Variants in PGBD2 observed in about 807,000 individuals in gnomAD.
The protein encoded by PGBD2 is piggyBac transposable element-derived protein 2.
PGBD2 carries 6 observed loss-of-function variants against 8.1 expected under a neutral mutation model. The observed-to-expected ratio is 0.74, with a 90% confidence interval of 0.40 to 1.46. The LOEUF (loss-of-function observed/expected upper bound fraction) is 1.46. PGBD2 is among the 40% of genes most tolerant of loss of function. The pLI, the probability that PGBD2 is intolerant of heterozygous loss-of-function variation, is 0.02. For missense variants in PGBD2, 802 were observed against 739.0 expected, an observed-to-expected ratio of 1.09 and a Z score of -0.99; for synonymous variants, 318 against 272.2, an observed-to-expected ratio of 1.17 and a Z score of -1.66.
the PGBD2 span, among the ~76,000 whole-genome samples, chr1:248,894,421 C>A: frequency 6.6e-6 from 1 of 151,888 alleles, no homozygotes; most frequent in Non-Finnish European, 1.5e-5. Flanking sequence ...AGTGGTTAAT[C>A]CATTTTGAGT....
chr1:248,914,359 T>C (rs369207764), intron 2 of PGBD2: 2 of 966,512 alleles, frequency 2.1e-6, no homozygotes, highest in Non-Finnish European at 1.2e-6. Context: ...ATGGCTGCTG[T>C]ACCCCTTACT....
At chr1:248,875,198 A>G in the PGBD2 span, among the ~76,000 whole-genome samples, 2 of 150,246 alleles carry the variant, frequency 1.3e-5, no homozygotes, top group Non-Finnish European at 1.5e-5. Context: ...CAGGAGGCTG[A>G]GGCAGGAGAA....
At chr1:248,907,658 A>T (rs1030236943) in intron 1 of PGBD2, among the ~76,000 whole-genome samples, 2 of 152,336 alleles carry the variant, frequency 1.3e-5, no homozygotes, top group East Asian at 3.9e-4. Context: ...ACTTTTACCA[A>T]GCATACTGCT....
At chr1:248,889,460 A>G in the PGBD2 span, among the ~76,000 whole-genome samples, 3 of 152,156 alleles carry the variant, frequency 2.0e-5, no homozygotes, top group Admixed American at 2.0e-4. Flanking sequence ...TCCGTTTAAT[A>G]TTGTTTTCAT....
the PGBD2 span, among the ~76,000 whole-genome samples, chr1:248,876,505 G>T: frequency 6.6e-6 from 1 of 152,112 alleles, no homozygotes. Flanking sequence ...CAAGGTCCAG[G>T]GTCCCAGTGT....
At chr1:248,876,755 A>G in the PGBD2 span, among the ~76,000 whole-genome samples, 8 of 152,172 alleles carry the variant, frequency 5.3e-5, no homozygotes, top group Non-Finnish European at 1.0e-4. Context: ...TTTAAATTGT[A>G]TGGTGTCTCT....
At chr1:248,890,711 C>A in the PGBD2 span, among the ~76,000 whole-genome samples, 3 of 151,518 alleles carry the variant, frequency 2.0e-5, no homozygotes, top group African/African-American at 7.3e-5. Flanking sequence ...CCCACACACA[C>A]CCACACCCAG....
upstream of PGBD2, among the ~76,000 whole-genome samples, chr1:248,902,587 T>C (rs1373923975): frequency 6.6e-6 from 1 of 152,198 alleles, no homozygotes; most frequent in African/African-American, 2.4e-5. Flanking sequence ...CTAAGACATG[T>C]AATCAACCCA....
intron 1 of PGBD2, among the ~76,000 whole-genome samples, chr1:248,909,405 C>G (rs888985886): frequency 6.6e-6 from 1 of 152,140 alleles, no homozygotes; most frequent in African/African-American, 2.4e-5. Context: ...TAGTTAGGGT[C>G]AAGCATATAT....
rs931446891 is a variant in PGBD2, at chr1:248,917,619, A to C, written c.1035A>C (p.Pro345=). 3 of 1,614,224 alleles carry C rather than the reference A, an allele frequency of 1.9e-6. No individual in the cohort carries two copies. The South Asian group carries it at 3.3e-5, about 18-fold the overall frequency. Residue 345 remains proline, a synonymous_variant, in exon 3 of 3, where the codon CCA becomes CCC. Transcript: ENST00000329291. ...CGCTTCAGGAGCGTGGTTTTCTGCC[A>C]TATCACATATTTTTTGACAAGGTTT... is the stretch of plus-strand genomic sequence containing the variant. ...VDALQERGFL[P]YHIFFDKVFT... is the part of the protein sequence containing the mutation.
the PGBD2 span, among the ~76,000 whole-genome samples, chr1:248,929,114 A>G: frequency 6.6e-6 from 1 of 152,210 alleles, no homozygotes. Flanking sequence ...TTGTATTAAT[A>G]TAAGGGAGAA....
At position 248,917,432 on chromosome 1, in the gene PGBD2, A is replaced by G. The variant is rs1368138521; in HGVS notation, c.848A>G (p.Gln283Arg). ...CEYFGHRGSK[Q>R]LHRGKPVRLG... ...TACTTTGGGCACCGGGGGTCCAAGC[A>G]GCTGCACAGGGGGAAGCCTGTGCGA... The change falls in exon 3 of 3, where the codon CAG becomes CGG. Residue 283 changes from glutamine to arginine, a missense_variant. Physicochemically the swap from Gln to Arg is conservative, Grantham distance 43. Transcript: ENST00000329291. The G allele has an allele frequency of 6.2e-7, 1 of 1,614,162 alleles. No individual in the cohort carries two copies. Among genetic ancestry groups the G allele is most frequent in the Admixed American group, 1.7e-5 (1 of 60,022 alleles).
the PGBD2 span, among the ~76,000 whole-genome samples, chr1:248,925,147 C>T: frequency 1.2e-4 from 19 of 152,134 alleles, no homozygotes; most frequent in Admixed American, 9.2e-4. Context: ...GGAGCACATT[C>T]ACACGTGTGT....
At chr1:248,930,094 C>A in the PGBD2 span, among the ~76,000 whole-genome samples, 2 of 152,212 alleles carry the variant, frequency 1.3e-5, no homozygotes, top group South Asian at 2.1e-4. Context: ...GCTTTACTTT[C>A]ACATGTTACA....
chr1:248,902,361 T>C (rs1408708516), upstream of PGBD2, among the ~76,000 whole-genome samples: 1 of 152,112 alleles, frequency 6.6e-6, no homozygotes, highest in Non-Finnish European at 1.5e-5. Context: ...ACTGGCAAGG[T>C]TGCAGAGAAA....
At chr1:248,921,735 A>G (rs1265803174), downstream of PGBD2, among the ~76,000 whole-genome samples, 1 of 152,134 alleles carries the variant, frequency 6.6e-6, no homozygotes, top group Non-Finnish European at 1.5e-5. Context: ...CAGTGTGGCC[A>G]TTTTCACGAT....
chr1:248,905,743 C>A (rs1661611575), upstream of PGBD2, among the ~76,000 whole-genome samples: 1 of 152,164 alleles, frequency 6.6e-6, no homozygotes, highest in Non-Finnish European at 1.5e-5. Context: ...ATTATCCAGG[C>A]CCAAAATGTC....
the PGBD2 span, among the ~76,000 whole-genome samples, chr1:248,895,484 C>T: frequency 1.3e-5 from 2 of 152,060 alleles, no homozygotes; most frequent in African/African-American, 4.8e-5. Context: ...TAATCATCCT[C>T]GTGTCTGGTG....
the PGBD2 span, among the ~76,000 whole-genome samples, chr1:248,890,930 T>C: frequency 2.2e-5 from 3 of 138,852 alleles, no homozygotes; most frequent in African/African-American, 8.4e-5. Flanking sequence ...ACACCACACC[T>C]CCCCACCCCC....
Sources: gnomAD v4.1 joint callset for allele counts (sites outside exome capture counted in the v4.1 genomes callset) on GRCh38, gnomAD v4.1.1 for gene constraint, MANE v1.5 for transcripts, NCBI Gene and HGNC (gene_info 2026-07-23, HGNC 2026-07-21) for gene names.